The following KIF4A variants were observed in gnomAD, a reference collection of about 807,000 sequenced individuals.
KIF4A encodes kinesin family member 4A.
KIF4A carries 7 observed loss-of-function variants against 105.9 expected under a neutral mutation model. The observed-to-expected ratio is 0.07, with a 90% CI of 0.04 to 0.12. The LOEUF (loss-of-function observed/expected upper bound fraction) is 0.12. Among genes scored for constraint, KIF4A ranks in the 10% least tolerant of loss-of-function variants. The probability of loss-of-function intolerance (pLI) is 1.00; values close to 1 mark genes in which losing one functional copy is unlikely to be tolerated. For missense variants in KIF4A, 558 were observed against 929.2 expected (o/e 0.60, Z 5.19); for synonymous variants, 281 against 331.3 (o/e 0.85, Z 1.65).
chrX:70,314,849 C>T (rs1026870470), intron 7 of KIF4A, among the ~76,000 whole-genome samples: 2 of 111,010 alleles, frequency 1.8e-5, no homozygotes, highest in African/African-American at 6.6e-5. Flanking sequence ...TCACCTGTGT[C>T]ATATGCTTCA....
At chrX:70,343,837 A>G in intron 12 of KIF4A, 40 bp from the exon 13 acceptor site, 2 of 1,188,561 alleles carry the variant, frequency 1.7e-6, no homozygotes, top group Non-Finnish European at 2.3e-6. Context: ...GGCCTTTGTC[A>G]TATGAATAAC....
Position 70,343,866 on chromosome X carries a change from T to A in KIF4A, c.1326-11T>A. On this transcript the variant is annotated splice_polypyrimidine_tract_variant and intron_variant, in intron 12 of 30. Transcript: ENST00000374403. ...GAATAACCCTTGGGTTCTTTTTGTT[T>A]GAATTTTCAGCTGCAAACTGGATCT... 8.3e-7 allele frequency: 1 copy of A among 1,206,575 alleles called. No homozygotes were observed. The highest frequency in any genetic ancestry group is 1.1e-6 in the Non-Finnish European group (1 of 891,054).
chrX:70,367,351 G>A (rs1370698752), intron 15 of KIF4A, among the ~76,000 whole-genome samples: 1 of 111,660 alleles, frequency 9.0e-6, no homozygotes, highest in Non-Finnish European at 1.9e-5. Context: ...AGCCTCGATG[G>A]TCTTTACAAT....
At chrX:70,355,110 C>A (rs906130010) in intron 15 of KIF4A, among the ~76,000 whole-genome samples, 8 of 111,765 alleles carry the variant, frequency 7.2e-5, no homozygotes, top group African/African-American at 2.6e-4. Flanking sequence ...CCACCCCTGC[C>A]TGGCTGGCAT....
At chrX:70,384,176 C>T (rs1020297149) in intron 18 of KIF4A, among the ~76,000 whole-genome samples, 4 of 112,248 alleles carry the variant, frequency 3.6e-5, no homozygotes, top group Non-Finnish European at 7.5e-5. Context: ...GTTTTGCTCA[C>T]TTCTGCATTT....
Position 70,344,002 on chromosome X carries a change from T to G in KIF4A, c.1431+20T>G. 9.6e-7 allele frequency: 1 copy of G among 1,045,397 alleles called. No individual in the cohort carries two copies. Among genetic ancestry groups the G allele is most frequent in the Non-Finnish European group, 1.3e-6 (1 of 746,694 alleles). 86.2% of individuals were successfully genotyped at this position (1,045,397 alleles called of 1,213,427 possible). ...TTATCGGTAAGCCAAGTAGGGGCAGTGTAAATAGGCATATCACTTTCATTT... is the reference window on the plus strand; with the variant it reads ...TTATCGGTAAGCCAAGTAGGGGCAGGGTAAATAGGCATATCACTTTCATTT... On this transcript the variant is annotated intron_variant, in intron 13 of 30. Transcript: ENST00000374403.
At chrX:70,306,419 A>T (rs1329266447) in intron 7 of KIF4A, among the ~76,000 whole-genome samples, 2 of 112,771 alleles carry the variant, frequency 1.8e-5, no homozygotes, top group Non-Finnish European at 3.7e-5. Context: ...GATTTCGCTG[A>T]ATCTGTAGAC....
At chrX:70,304,533 T>C (rs1231462472) in intron 7 of KIF4A, among the ~76,000 whole-genome samples, 1 of 110,714 alleles carries the variant, frequency 9.0e-6, no homozygotes, top group Non-Finnish European at 1.9e-5. Context: ...CCACAATGGT[T>C]GAACTAGTTT....
chrX:70,322,719 T>G (rs1266883098), intron 7 of KIF4A, among the ~76,000 whole-genome samples: 1 of 107,830 alleles, frequency 9.3e-6, no homozygotes, highest in Non-Finnish European at 1.9e-5. Flanking sequence ...TTTTTTTTTT[T>G]TTTTTAATCT....
Position 70,395,768 on chromosome X carries a change from A to G in KIF4A, c.2330A>G (p.Asp777Gly). 9.1e-6 allele frequency: 11 copies of G among 1,211,763 alleles called. No homozygotes were observed. The highest frequency in any genetic ancestry group is 1.2e-5 in the Non-Finnish European group (11 of 895,526). ...GAAGATAGAAAGATCCTGGCTCAAGATGTGGCTCAACTCAAAGAAAAAAAG... is the reference window on the plus strand; with the variant it reads ...GAAGATAGAAAGATCCTGGCTCAAGGTGTGGCTCAACTCAAAGAAAAAAAG... ...LLEDRKILAQ[D>G]VAQLKEKKES... is the part of the protein sequence containing the mutation. The change falls in exon 21 of 31, where the codon GAT (aspartate) becomes GGT (glycine). Residue 777 changes from aspartate (D) to glycine (G), a missense_variant. This residue lies in a region of KIF4A where 469 missense variants were observed against 680.4 expected (regional missense o/e 0.69). Coordinates refer to ENST00000374403, the MANE Select transcript of KIF4A (RefSeq NM_012310.5).
At chrX:70,346,120 A>G (rs1164766045) in intron 13 of KIF4A, among the ~76,000 whole-genome samples, 1 of 111,747 alleles carries the variant, frequency 8.9e-6, no homozygotes, top group Non-Finnish European at 1.9e-5. Flanking sequence ...TTAAAAAGGG[A>G]CTAGACTATA....
At chrX:70,369,697 C>T (rs2086122165) in intron 15 of KIF4A, among the ~76,000 whole-genome samples, 1 of 111,315 alleles carries the variant, frequency 9.0e-6, no homozygotes, top group African/African-American at 3.3e-5. Flanking sequence ...AATAAATCTC[C>T]ATGACTAATT....
chrX:70,299,883 G>A (rs1194730514), intron 5 of KIF4A, among the ~76,000 whole-genome samples: 1 of 112,013 alleles, frequency 8.9e-6, no homozygotes, highest in African/African-American at 3.2e-5. Context: ...AGATGGTATA[G>A]ATGCAAGATG....
At chrX:70,386,743 T>A in intron 19 of KIF4A, 42 bp downstream of exon 19, 2 of 995,575 alleles carry the variant, frequency 2.0e-6, no homozygotes, top group Non-Finnish European at 2.9e-6. Flanking sequence ...ATTGTCATCT[T>A]CAGGTTTAAA....
chrX:70,392,786 C>A (rs1457923325), intron 20 of KIF4A, among the ~76,000 whole-genome samples: 2 of 107,061 alleles, frequency 1.9e-5, no homozygotes, highest in South Asian at 8.0e-4. Flanking sequence ...TATTTTACCA[C>A]AATAAAAAAA....
At position 70,357,978 on chromosome X, in the gene KIF4A, A is replaced by C. The variant is rs185701107; in HGVS notation, c.1674+4171A>C. Among the ~76,000 whole-genome samples, 3 of 111,078 alleles carry C rather than the reference A, an allele frequency of 2.7e-5. No homozygotes were observed. The East Asian group carries it at 8.5e-4, about 31-fold the overall frequency. On this transcript the variant is annotated intron_variant, in intron 15 of 30. Transcript: ENST00000374403. ...CAGGCTGGAGTGCAGTGGTGCCATC[A>C]CAGCTCACTGCAGCCTCAACTTCCT...
chrX:70,315,164 A>G (rs2085864650), intron 7 of KIF4A, among the ~76,000 whole-genome samples: 1 of 111,754 alleles, frequency 8.9e-6, no homozygotes. Flanking sequence ...ATTCATCTTG[A>G]TAATATAGCT....
rs569996497 is a variant in KIF4A at position 70,304,494 on chromosome X, C to T, written c.778+2096C>T. Reference sequence around the variant, plus strand: ...TGGGTCAAATGGTATTTCTAGTTTTCGATCCCTGAGGAATCGCCACACTGA... The same window carrying T: ...TGGGTCAAATGGTATTTCTAGTTTTTGATCCCTGAGGAATCGCCACACTGA... On this transcript the variant is annotated intron_variant, in intron 7 of 30. Transcript: ENST00000374403. 1.3e-3 allele frequency among the ~76,000 whole-genome samples: 142 copies of T among 108,458 alleles called. 2 individuals are homozygous for T. The South Asian group carries it at 0.055, about 42-fold the overall frequency. The allele number at this position is 108,458 out of a possible 115,157, so 94.2% of individuals were successfully genotyped here.
At chrX:70,389,058 T>G (rs1263626862) in intron 20 of KIF4A, among the ~76,000 whole-genome samples, 2 of 110,795 alleles carry the variant, frequency 1.8e-5, no homozygotes, top group African/African-American at 6.6e-5. Context: ...AAGACCAGCC[T>G]GGGGAGCAAA....
Sources: gnomAD v4.1 joint callset for allele counts (sites outside exome capture counted in the v4.1 genomes callset) on GRCh38, gnomAD v4.1.1 for gene constraint, gnomAD v4.1.1 regional missense constraint, MANE v1.5 for transcripts, NCBI Gene and HGNC (gene_info 2026-07-23, HGNC 2026-07-21) for gene names.